CCDC197: variants seen among roughly 807,000 people sequenced by gnomAD.
CCDC197 encodes the protein coiled-coil domain containing 197.
In CCDC197, 24 loss-of-function variants were observed where a neutral mutation model predicts 13.4. The observed-to-expected ratio is 1.80, with a 90% confidence interval of 1.30 to 2.53. The LOEUF is 2.53. CCDC197 is among the 30% of genes most tolerant of loss of function. The probability of loss-of-function intolerance (pLI) is 0.00; values close to 1 mark genes in which losing one functional copy is unlikely to be tolerated. For synonymous variants in CCDC197, 99 were observed against 55.5 expected (o/e 1.78, Z -3.48); for missense variants, 255 against 148.8 (o/e 1.71, Z -3.71).
chr14:94,011,494 C>T (rs1192907332), downstream of CCDC197, among the ~76,000 whole-genome samples: 2 of 152,192 alleles, frequency 1.3e-5, no homozygotes, highest in African/African-American at 2.4e-5. Flanking sequence ...CACGGCATTG[C>T]GCTTAACAGC....
Position 94,005,358 on chromosome 14 carries a change from T to G in CCDC197, c.615+387T>G, listed in dbSNP as rs117811544. 5.0e-4 allele frequency among the ~76,000 whole-genome samples: 76 copies of G among 152,260 alleles called. 1 individual carries two copies. In the East Asian group the frequency reaches 0.012, roughly 24 times the overall value. Reference sequence around the variant, plus strand: ...GCAAATAAGCACACAAACATCAACTTGCACGCACGAAGATACAAACAGGTA... The same window carrying G: ...GCAAATAAGCACACAAACATCAACTGGCACGCACGAAGATACAAACAGGTA... On this transcript the variant is annotated intron_variant, in intron 6 of 6. Coordinates refer to ENST00000636493, the MANE Select transcript of CCDC197 (RefSeq NM_001351596.2).
At chr14:93,997,878 G>A (rs760267648) in intron 1 of CCDC197, 121 bp from the exon 2 acceptor site, 1 of 511,526 alleles carries the variant, frequency 2.0e-6, no homozygotes, top group South Asian at 2.5e-5. Context: ...CCAGAGCTGG[G>A]GATGCAGCCC....
downstream of CCDC197, among the ~76,000 whole-genome samples, chr14:94,010,189 G>C (rs1174478249): frequency 6.6e-6 from 1 of 150,986 alleles, no homozygotes; most frequent in Non-Finnish European, 1.5e-5. Flanking sequence ...ATATTTTGGG[G>C]TGTTTGTTTG....
intron 1 of CCDC197, among the ~76,000 whole-genome samples, chr14:93,991,631 C>G (rs1261101169): frequency 6.6e-6 from 1 of 152,212 alleles, no homozygotes; most frequent in African/African-American, 2.4e-5. Flanking sequence ...AGATCACATT[C>G]CAGTGGGGAG....
In CCDC197 at chr14:93,999,637, G is replaced by T. The variant is rs746378895; in HGVS notation, c.159G>T (p.Leu53=). ...AGCACAAGCTTTTTGAAGACTATCTGATTAAGGTCCTTGAGAAAATCCCCG... is the reference window on the plus strand; with the variant it reads ...AGCACAAGCTTTTTGAAGACTATCTTATTAAGGTCCTTGAGAAAATCCCCG... ...VEKHKLFEDY[L]IKVLEKIPEG... is the part of the protein sequence containing the mutation. The change falls in exon 3 of 7, where the codon CTG becomes CTT. Residue 53 remains leucine (L), a synonymous_variant. Transcript: ENST00000636493. 3.8e-6 allele frequency: 3 copies of T among 781,042 alleles called. No individual in the cohort carries two copies. Among genetic ancestry groups the T allele is most frequent in the Non-Finnish European group, 7.2e-6 (3 of 418,130 alleles). 48.4% of individuals were successfully genotyped at this position (781,042 alleles called of 1,614,324 possible). A position where few individuals can be genotyped will look rare whatever the true frequency, so the allele number is the denominator to read the frequency against.
At chr14:93,994,046 G>T (rs1038913147), upstream of CCDC197, among the ~76,000 whole-genome samples, 1 of 152,182 alleles carries the variant, frequency 6.6e-6, no homozygotes, top group African/African-American at 2.4e-5. Flanking sequence ...GGGGAAGGGG[G>T]AGGAAGAAGA....
At chr14:94,001,736 A>ACAT (rs1890518221) in intron 4 of CCDC197, 1 of 158,878 alleles carries the variant, frequency 6.3e-6, no homozygotes, top group Non-Finnish European at 1.4e-5. Context: ...AGTGCCAGAG[A>ACAT]CATCATTTCC....
intron 3 of CCDC197, 177 bp from the exon 4 acceptor site, chr14:94,000,968 G>T (rs1403407064): frequency 5.2e-5 from 5 of 95,840 alleles, no homozygotes; most frequent in Non-Finnish European, 7.3e-5. Flanking sequence ...GCGGGAGGGC[G>T]GGGGGGCGGG....
chr14:93,996,651 G>A (rs1390069415), upstream of CCDC197, among the ~76,000 whole-genome samples: 1 of 152,204 alleles, frequency 6.6e-6, no homozygotes, highest in Non-Finnish European at 1.5e-5. Context: ...CCCACACTGA[G>A]CTGTGGCTTC....
chr14:93,989,895 T>C (rs1237138532), intron 1 of CCDC197, among the ~76,000 whole-genome samples: 1 of 152,202 alleles, frequency 6.6e-6, no homozygotes, highest in Non-Finnish European at 1.5e-5. Flanking sequence ...GTTCAGTTCC[T>C]TGCAGCCGCA....
At chr14:94,007,905 C>T (rs1349736860) in intron 6 of CCDC197, among the ~76,000 whole-genome samples, 2 of 152,204 alleles carry the variant, frequency 1.3e-5, no homozygotes, top group African/African-American at 4.8e-5. Context: ...AAGGACTTCT[C>T]CAGGAGCCTC....
chr14:94,001,371 G>C (rs753161826), intron 4 of CCDC197, 48 bp downstream of exon 4: 1 of 686,958 alleles, frequency 1.5e-6, no homozygotes, highest in East Asian at 2.6e-5. Flanking sequence ...CCAGGGAGCT[G>C]GGGGCGTGGG....
rs551995501 is a variant in CCDC197, at chr14:93,989,911, G to A, written c.-107+2515G>A. Among the ~76,000 whole-genome samples the A allele has an allele frequency of 8.5e-5, 13 of 152,280 alleles. No individual in the cohort carries two copies. In the South Asian group the frequency reaches 1.0e-3, roughly 12 times the overall value. On this transcript the variant is annotated intron_variant, in intron 1 of 7. Transcript: ENST00000640978. ...TTCAGTTCCTTGCAGCCGCAGGCCT[G>A]AGATCCCTGTTTCCTTTCTGACTGC... is the stretch of plus-strand genomic sequence containing the variant.
intron 5 of CCDC197, 85 bp from the exon 6 acceptor site, chr14:94,004,770 T>C (rs1414240539): frequency 8.9e-6 from 6 of 670,428 alleles, no homozygotes; most frequent in Non-Finnish European, 1.4e-5. Flanking sequence ...TCCACGACAC[T>C]TCGCTGGCTG....
downstream of CCDC197, among the ~76,000 whole-genome samples, chr14:94,011,003 C>G (rs899023685): frequency 3.3e-5 from 5 of 152,214 alleles, no homozygotes; most frequent in Non-Finnish European, 7.3e-5. Flanking sequence ...CCAGATGTGG[C>G]AGATGCTGCT....
chr14:93,998,778 C>T (rs999428117), intron 2 of CCDC197, among the ~76,000 whole-genome samples: 7 of 152,244 alleles, frequency 4.6e-5, no homozygotes, highest in South Asian at 2.1e-4. Flanking sequence ...CAGGGCCCCA[C>T]GTGGTATCTG....
chr14:93,989,860 C>T (rs1333238346), intron 1 of CCDC197, among the ~76,000 whole-genome samples: 2 of 152,150 alleles, frequency 1.3e-5, no homozygotes, highest in Non-Finnish European at 2.9e-5. Flanking sequence ...AATCTACATT[C>T]AAACTTACTC....
rs758099131 is a variant in CCDC197 at position 93,999,594 on chromosome 14, T to A, written c.116T>A (p.Leu39His). ...LYQLQAKQKKLKREVEKHKLF... is the reference protein window; with the variant it reads ...LYQLQAKQKKHKREVEKHKLF... ...ATCTGGCTCTACAGGCAGAAGAAGC[T>A]CAAGAGAGAAGTCGAGAAGCACAAG... Residue 39 changes from leucine (L) to histidine (H), a missense_variant, in exon 3 of 7, where the codon CTC becomes CAC. Physicochemically the swap from Leu to His is moderately conservative, Grantham distance 99. Transcript: ENST00000636493. 14 of 780,784 alleles carry A rather than the reference T, an allele frequency of 1.8e-5. No individual in the cohort carries two copies. Among genetic ancestry groups the A allele is most frequent in the Admixed American group, 8.5e-5 (5 of 59,010 alleles). The allele number at this position is 780,784 out of a possible 1,614,324, so 48.4% of individuals were successfully genotyped here. A position where few individuals can be genotyped will look rare whatever the true frequency, so the allele number is the denominator to read the frequency against.
rs901653587 is a variant in CCDC197 at position 94,003,240 on chromosome 14, G to GT, written c.385dup (p.Cys129LeufsTer28). 1 of 780,770 alleles carries GT rather than the reference G, an allele frequency of 1.3e-6. No homozygotes were observed. Among genetic ancestry groups the GT allele is most frequent in the African/African-American group, 1.7e-5 (1 of 59,140 alleles). The allele number at this position is 780,770 out of a possible 1,614,324, so 48.4% of individuals were successfully genotyped here. On this transcript the variant is annotated frameshift_variant, in exon 5 of 7. Transcript: ENST00000636493. LOFTEE classifies it high-confidence loss of function. This position sits in a 1 kb window ranked among gnomAD's most constrained non-coding sequence, Gnocchi z 5.0. Reference sequence around the variant, plus strand: ...TGCCCCAGAGCCTCAAGATCCGGCTGTGTCAGCTGCAGAAGAAGTGCTACC... The same window carrying GT: ...TGCCCCAGAGCCTCAAGATCCGGCTGTTGTCAGCTGCAGAAGAAGTGCTACC...
Sources: gnomAD v4.1 joint callset for allele counts (sites outside exome capture counted in the v4.1 genomes callset) on GRCh38, gnomAD v4.1.1 for gene constraint, Gnocchi (gnomAD v3.1) non-coding constraint, MANE v1.5 for transcripts, NCBI Gene and HGNC (gene_info 2026-07-23, HGNC 2026-07-21) for gene names.